QRICH1: variants seen among roughly 807,000 people sequenced by gnomAD.
QRICH1 encodes the protein glutamine rich 1.
Under a neutral mutation model 87.1 loss-of-function variants are expected in QRICH1, and 16 were observed. The observed-to-expected ratio is 0.18, with a 90% CI of 0.12 to 0.28. The LOEUF (loss-of-function observed/expected upper bound fraction) is 0.28, where lower values mean the gene tolerates loss of function less well. Ranked by LOEUF, QRICH1 falls within the 10% of genes least tolerant of loss-of-function variation. The pLI is 1.00. For missense variants in QRICH1, 647 were observed against 951.7 expected (o/e 0.68, Z 4.21); for synonymous variants, 367 against 368.4 (o/e 1.00, Z 0.05).
chr3:49,048,813 A>G (rs201761799), intron 3 of QRICH1, among the ~76,000 whole-genome samples: 18 of 151,516 alleles, frequency 1.2e-4, no homozygotes, highest in East Asian at 7.9e-4. Context: ...AAAAAAAAAA[A>G]AAAGAAAGAA....
rs540519343 is a variant in QRICH1, at chr3:49,088,262, G to A, written c.-22+5650C>T. Among the ~76,000 whole-genome samples, 430 of 151,378 alleles carry A rather than the reference G, an allele frequency of 2.8e-3. 4 individuals carry two copies. Among genetic ancestry groups the A allele is most frequent in the African/African-American group, 9.8e-3 (404 of 41,282 alleles). On this transcript the variant is annotated intron_variant, in intron 1 of 9. Coordinates refer to ENST00000395443, the MANE Select transcript of QRICH1 (RefSeq NM_198880.3). The stretch of plus-strand genomic sequence containing the variant: ...GCCACCGTGCCCGACCAGAATTGAC[G>A]TATTTCTATTCTTTTGCCTGGGTTT...
At chr3:49,031,634 A>G (rs2093240628) in intron 9 of QRICH1, among the ~76,000 whole-genome samples, 1 of 152,216 alleles carries the variant, frequency 6.6e-6, no homozygotes, top group African/African-American at 2.4e-5. Context: ...GGAATCTGGA[A>G]ATGCTTCCCT....
chr3:49,092,821 G>T (rs145153866), intron 1 of QRICH1, among the ~76,000 whole-genome samples: 8 of 152,280 alleles, frequency 5.3e-5, no homozygotes, highest in Admixed American at 4.6e-4. Flanking sequence ...AATTTCTGCT[G>T]GGATTTCTGC....
At chr3:49,045,184 A>G (rs966314282) in intron 5 of QRICH1, among the ~76,000 whole-genome samples, 8 of 151,950 alleles carry the variant, frequency 5.3e-5, no homozygotes, top group Admixed American at 4.6e-4. Context: ...TTCTAGCTAG[A>G]CTCCTTCAAA....
chr3:49,036,147 CT>C (rs2093274047), intron 6 of QRICH1, among the ~76,000 whole-genome samples: 1 of 152,004 alleles, frequency 6.6e-6, no homozygotes, highest in African/African-American at 2.4e-5. Context: ...GCCAGGGCTC[CT>C]AGCATGGAAG....
intron 3 of QRICH1, among the ~76,000 whole-genome samples, chr3:49,056,101 G>A (rs566395417): frequency 6.6e-4 from 101 of 152,044 alleles, no homozygotes; most frequent in African/African-American, 2.3e-3. Context: ...TCAGCCTCCC[G>A]AGTAGCTGGG....
chr3:49,030,656 GC>G lies in QRICH1; in HGVS notation c.2139-13del. On this transcript the variant is annotated splice_polypyrimidine_tract_variant and intron_variant, in intron 9 of 9. Transcript: ENST00000395443. ...TCACACTCTGGGGGCTGAAGAATAT[GC>G]GGATAAAAGTTGGGTACCACCAATA... is the stretch of plus-strand genomic sequence containing the variant. 6.5e-7 allele frequency: 1 copy of G among 1,540,326 alleles called. No homozygotes were observed. The highest frequency in any genetic ancestry group is 2.3e-5 in the East Asian group (1 of 42,738).
At chr3:49,056,702 G>C (rs769639127) in intron 3 of QRICH1, 160 bp downstream of exon 3, 10 of 1,251,240 alleles carry the variant, frequency 8.0e-6, no homozygotes, top group Non-Finnish European at 1.1e-5. Flanking sequence ...CTGTTGCATA[G>C]CCTCACGTGA....
At chr3:49,065,812 C>T (rs1277343522) in intron 2 of QRICH1, among the ~76,000 whole-genome samples, 1 of 152,038 alleles carries the variant, frequency 6.6e-6, no homozygotes, top group Non-Finnish European at 1.5e-5. Context: ...TCTCAAGTAG[C>T]TGGGACTACA....
chr3:49,047,517 CTT>C (rs957783764), intron 3 of QRICH1, among the ~76,000 whole-genome samples: 3 of 132,528 alleles, frequency 2.3e-5, no homozygotes, highest in Admixed American at 1.7e-4. Flanking sequence ...GAGTTTTCCT[CTT>C]GTTGCTCAGG....
intron 1 of QRICH1, among the ~76,000 whole-genome samples, chr3:49,088,019 T>A (rs1365450575): frequency 6.6e-6 from 1 of 150,816 alleles, no homozygotes; most frequent in East Asian, 2.0e-4. Flanking sequence ...TGGCACAATC[T>A]CGGCTCACTG....
At chr3:49,072,756 C>T (rs1026496343) in intron 2 of QRICH1, among the ~76,000 whole-genome samples, 1 of 151,852 alleles carries the variant, frequency 6.6e-6, no homozygotes, top group African/African-American at 2.4e-5. Flanking sequence ...GTGAAACCTA[C>T]TTCAGCTGGG....
chr3:49,090,094 C>T (rs2042245643), intron 1 of QRICH1, among the ~76,000 whole-genome samples: 1 of 152,134 alleles, frequency 6.6e-6, no homozygotes. Flanking sequence ...GTAGGCAGAC[C>T]ACGAGGTCAG....
rs551705365 is a variant in QRICH1 at position 49,034,213 on chromosome 3, T to TGG, written c.1787-987_1787-986dup. ...ATCCGAGAACTTTGGGAGGCGGAGG[T>TGG]GGGAGAATTGTTTGAGCCCAAGAGT... On this transcript the variant is annotated intron_variant, in intron 6 of 9. Transcript: ENST00000395443. Among the ~76,000 whole-genome samples the TGG allele has an allele frequency of 4.2e-3, 626 of 150,134 alleles. 3 individuals carry two copies. Among genetic ancestry groups the TGG allele is most frequent in the African/African-American group, 0.012 (481 of 40,852 alleles).
intron 1 of QRICH1, among the ~76,000 whole-genome samples, chr3:49,093,020 G>T (rs568133242): frequency 2.6e-5 from 4 of 152,288 alleles, no homozygotes; most frequent in African/African-American, 9.6e-5. Context: ...CCACATAAGC[G>T]AATTCCCTTC....
intron 1 of QRICH1, among the ~76,000 whole-genome samples, chr3:49,085,521 G>A (rs970362716): frequency 1.3e-5 from 2 of 152,078 alleles, no homozygotes; most frequent in Non-Finnish European, 2.9e-5. Flanking sequence ...TTGGGAGGCC[G>A]AGGTGGGTGG....
chr3:49,032,407 G>T, intron 8 of QRICH1, 134 bp from the exon 9 acceptor site: 1 of 840,282 alleles, frequency 1.2e-6, no homozygotes, highest in South Asian at 1.6e-5. Flanking sequence ...TATGAGGCAT[G>T]GGCAGTGACT....
intron 3 of QRICH1, among the ~76,000 whole-genome samples, chr3:49,054,893 C>T (rs2093391944): frequency 6.6e-6 from 1 of 152,164 alleles, no homozygotes. Context: ...AAGCAACAAC[C>T]TGTCTCAAAA....
chr3:49,087,962 T>A (rs2042201551), intron 1 of QRICH1, among the ~76,000 whole-genome samples: 1 of 150,544 alleles, frequency 6.6e-6, no homozygotes, highest in East Asian at 1.9e-4. Flanking sequence ...ATTTATTTTT[T>A]TTTTTTTGAG....
Sources: gnomAD v4.1 joint callset for allele counts (sites outside exome capture counted in the v4.1 genomes callset) on GRCh38, gnomAD v4.1.1 for gene constraint, MANE v1.5 for transcripts, NCBI Gene and HGNC (gene_info 2026-07-23, HGNC 2026-07-21) for gene names.